LRP8: variants seen among roughly 807,000 people sequenced by gnomAD.
LRP8 encodes low-density lipoprotein receptor-related protein 8.
Under a neutral mutation model 111.6 loss-of-function variants are expected in LRP8, and 46 were observed. That is an observed-to-expected ratio of 0.41 (90% CI 0.33 to 0.53). The LOEUF (loss-of-function observed/expected upper bound fraction) is 0.53, where lower values mean the gene tolerates loss of function less well. Among genes scored for constraint, LRP8 ranks in the 20% least tolerant of loss-of-function variants. LRP8 has a pLI of 0.20. For missense variants in LRP8, 959 were observed against 1,297.4 expected (o/e 0.74, Z 4.01); for synonymous variants, 464 against 511.2 (o/e 0.91, Z 1.24).
intron 16 of LRP8, among the ~76,000 whole-genome samples, chr1:53,253,445 C>T (rs1460804307): frequency 2.0e-5 from 3 of 151,842 alleles, no homozygotes; most frequent in African/African-American, 2.4e-5. Context: ...TGTGAGTGGG[C>T]GATTCATAAC....
intron 2 of LRP8, among the ~76,000 whole-genome samples, chr1:53,308,634 C>T (rs940315100): frequency 1.1e-4 from 16 of 152,162 alleles, no homozygotes; most frequent in African/African-American, 3.1e-4. Context: ...CCATCCTCAC[C>T]GCCCGGACCT....
At chr1:53,270,257 T>C (rs1646719184) in intron 8 of LRP8, among the ~76,000 whole-genome samples, 1 of 152,052 alleles carries the variant, frequency 6.6e-6, no homozygotes, top group Admixed American at 6.5e-5. Flanking sequence ...TCATGCTAGA[T>C]ATGAGCAGAG....
rs11811978 is a variant in LRP8, at chr1:53,273,695, G to C, written c.1006+1936C>G. Among the ~76,000 whole-genome samples, 150 of 151,948 alleles carry C rather than the reference G, an allele frequency of 9.9e-4. 3 individuals are homozygous for C. The highest frequency in any genetic ancestry group is 3.3e-3 in the African/African-American group (137 of 41,474). ...TCTCTTGGCAGGGCCTGGAGGCAGA[G>C]GGAGTGTCTATCTCCTGCCAGCTCA... is the stretch of plus-strand genomic sequence containing the variant. On this transcript the variant is annotated intron_variant, in intron 6 of 18. Transcript: ENST00000306052.
chr1:53,312,267 C>T (rs1653141446), intron 2 of LRP8, among the ~76,000 whole-genome samples: 1 of 152,230 alleles, frequency 6.6e-6, no homozygotes, highest in East Asian at 1.9e-4. Context: ...CACACAGCTC[C>T]CTACTCAGAA....
At position 53,246,157 on chromosome 1, in the gene LRP8, C is replaced by T. The variant is rs1645721728; in HGVS notation, c.*861G>A. The T allele has an allele frequency of 6.6e-6, 1 of 152,174 alleles. No individual in the cohort carries two copies. The highest frequency in any genetic ancestry group is 1.5e-5 in the Non-Finnish European group (1 of 68,042). The allele number at this position is 152,174 out of a possible 1,614,324, so 9.4% of individuals were successfully genotyped here. On this transcript the variant is annotated 3_prime_UTR_variant, in exon 19 of 19. Transcript: ENST00000306052. ...AGGAGTCACAGCAGCCATGGGTGAG[C>T]TGAAAGGCTTTTCCTGACTTCCTGG...
At position 53,244,214 on chromosome 1, in the gene LRP8, G is replaced by A. The variant is rs149193658; in HGVS notation, c.*2804C>T. ...TCCACTGGAGGAAAGGTAGACCATA[G>A]TATAGGTAGCAGGTTTGATACAATG... On this transcript the variant is annotated 3_prime_UTR_variant, in exon 19 of 19. Transcript: ENST00000306052. 6.6e-6 allele frequency: 1 copy of A among 152,360 alleles called. No individual in the cohort carries two copies. The highest frequency in any genetic ancestry group is 1.9e-4 in the East Asian group (1 of 5,184). The allele number at this position is 152,360 out of a possible 1,614,324, so 9.4% of individuals were successfully genotyped here.
At chr1:53,297,620 G>A (rs986073494) in intron 2 of LRP8, among the ~76,000 whole-genome samples, 1 of 152,174 alleles carries the variant, frequency 6.6e-6, no homozygotes, top group Non-Finnish European at 1.5e-5. Flanking sequence ...ACACACGAAG[G>A]GCTCCAGCCA....
Position 53,276,849 on chromosome 1 carries a change from G to A in LRP8, c.726C>T (p.Ala242=). The A allele has an allele frequency of 7.6e-7, 1 of 1,321,468 alleles. No homozygotes were observed. Among genetic ancestry groups the A allele is most frequent in the Non-Finnish European group, 9.7e-7 (1 of 1,035,606 alleles). 81.9% of individuals were successfully genotyped at this position (1,321,468 alleles called of 1,614,324 possible). A position where few individuals can be genotyped will look rare whatever the true frequency, so the allele number is the denominator to read the frequency against. ...CGGGGCCCGGACGGCCGCAGAGCTCGGCTGCCTCGTCCGAGCGGTCCTCGC... is the reference window on the plus strand; with the variant it reads ...CGGGGCCCGGACGGCCGCAGAGCTCAGCTGCCTCGTCCGAGCGGTCCTCGC... The part of the protein sequence containing the change: ...FDCEDRSDEA[A]ELCGRPGPGA... Residue 242 remains alanine, a synonymous_variant, in exon 5 of 19, where the codon GCC becomes GCT. Coordinates refer to ENST00000306052, the MANE Select transcript of LRP8 (RefSeq NM_004631.5).
intron 4 of LRP8, among the ~76,000 whole-genome samples, chr1:53,277,353 A>C (rs1646959475): frequency 6.6e-6 from 1 of 152,150 alleles, no homozygotes; most frequent in Admixed American, 6.5e-5. Flanking sequence ...GGATTCCGAA[A>C]CCTTAGAGCA....
chr1:53,260,532 G>T lies in LRP8; in HGVS notation c.1988C>A (p.Ser663Tyr). Residue 663 changes from serine (S) to tyrosine (Y), a missense_variant, in exon 13 of 19, where the codon TCC becomes TAC. Transcript: ENST00000306052. The stretch of plus-strand genomic sequence containing the variant: ...GTTGTTGAGGTTCTCAGCCAGGATG[G>T]AGATTTCCAGGCCATTGAGCCGATT... ...SANRLNGLEI[S>Y]ILAENLNNPH... The T allele has an allele frequency of 1.9e-6, 3 of 1,614,138 alleles. No homozygotes were observed. Among genetic ancestry groups the T allele is most frequent in the Non-Finnish European group, 2.5e-6 (3 of 1,180,002 alleles).
chr1:53,243,001 A>C lies in LRP8; in HGVS notation c.*4017T>G, dbSNP rs563640118. ...GAGCTTCCTGATTTTTTTTTAACTG[A>C]AAAATTGAAGCAGTAATTCTTTAAC... is the stretch of plus-strand genomic sequence containing the variant. On this transcript the variant is annotated 3_prime_UTR_variant, in exon 19 of 19. Coordinates refer to ENST00000306052, the MANE Select transcript of LRP8 (RefSeq NM_004631.5). 6.6e-6 allele frequency: 1 copy of C among 152,240 alleles called. No individual in the cohort carries two copies. Among genetic ancestry groups the C allele is most frequent in the African/African-American group, 2.4e-5 (1 of 41,552 alleles). 9.4% of individuals were successfully genotyped at this position (152,240 alleles called of 1,614,324 possible).
At chr1:53,254,771 A>G (rs373589238) in intron 16 of LRP8, among the ~76,000 whole-genome samples, 3 of 152,182 alleles carry the variant, frequency 2.0e-5, no homozygotes, top group African/African-American at 7.2e-5. Flanking sequence ...TTGATATCCT[A>G]CCATGTGCTA....
rs1259539478 is a variant in LRP8, at chr1:53,293,958, G to A, written c.245-4269C>T. ...GATCCTGGTGAACACCCAGTGTCAG[G>A]CCGTTCAGTGCAATGAGCCCAATAG... is the stretch of plus-strand genomic sequence containing the variant. On this transcript the variant is annotated intron_variant, in intron 2 of 18. Coordinates refer to ENST00000306052, the MANE Select transcript of LRP8 (RefSeq NM_004631.5). This position sits in a 1 kb window ranked among gnomAD's most constrained non-coding sequence, Gnocchi z 4.9. 1.3e-5 allele frequency among the ~76,000 whole-genome samples: 2 copies of A among 152,198 alleles called. No homozygotes were observed. The highest frequency in any genetic ancestry group is 4.8e-5 in the African/African-American group (2 of 41,442).
chr1:53,265,484 A>G (rs1572476663), intron 9 of LRP8, among the ~76,000 whole-genome samples: 1 of 151,736 alleles, frequency 6.6e-6, no homozygotes, highest in Non-Finnish European at 1.5e-5. Flanking sequence ...CATTCATGAA[A>G]CCTCCCAAGC....
intron 2 of LRP8, among the ~76,000 whole-genome samples, chr1:53,311,192 C>CA (rs1254044152): frequency 1.3e-5 from 2 of 152,098 alleles, no homozygotes; most frequent in African/African-American, 4.8e-5. Context: ...GGCCCCTGCC[C>CA]ACCCCCAACA....
At position 53,258,309 on chromosome 1, in the gene LRP8, G is replaced by T. The variant is rs748632503; in HGVS notation, c.2209+10C>A. ...TGCCAGGGGCCATCCCTCCTGGAAG[G>T]TCTGCTTACCTCGGTAGCACCTCTT... is the stretch of plus-strand genomic sequence containing the variant. On this transcript the variant is annotated intron_variant, in intron 14 of 18. Coordinates refer to ENST00000306052, the MANE Select transcript of LRP8 (RefSeq NM_004631.5). 6.2e-7 allele frequency: 1 copy of T among 1,612,672 alleles called. No homozygotes were observed. The highest frequency in any genetic ancestry group is 1.1e-5 in the South Asian group (1 of 90,890).
chr1:53,316,436 T>C (rs1393435514), intron 2 of LRP8, among the ~76,000 whole-genome samples: 1 of 152,196 alleles, frequency 6.6e-6, no homozygotes, highest in African/African-American at 2.4e-5. Flanking sequence ...TAAGTAGGTG[T>C]AAAAAGCCTC....
At chr1:53,265,034 G>A (rs1301795035) in intron 9 of LRP8, among the ~76,000 whole-genome samples, 2 of 152,154 alleles carry the variant, frequency 1.3e-5, no homozygotes, top group Non-Finnish European at 2.9e-5. Context: ...GGAGTGGATG[G>A]GTTGGAAGGA....
In LRP8 at chr1:53,264,153, C is replaced by T; in HGVS notation, c.1655+16G>A. ...ACCTATGGTGGGAGAATGGGAAGTTCAGTTGGGACACTCACCCTCGCAGGG... is the reference window on the plus strand; with the variant it reads ...ACCTATGGTGGGAGAATGGGAAGTTTAGTTGGGACACTCACCCTCGCAGGG... On this transcript the variant is annotated intron_variant, in intron 10 of 18. Coordinates refer to ENST00000306052, the MANE Select transcript of LRP8 (RefSeq NM_004631.5). 6.2e-7 allele frequency: 1 copy of T among 1,612,318 alleles called. No homozygotes were observed. Among genetic ancestry groups the T allele is most frequent in the Non-Finnish European group, 8.5e-7 (1 of 1,178,742 alleles).
Sources: gnomAD v4.1 joint callset for allele counts (sites outside exome capture counted in the v4.1 genomes callset) on GRCh38, gnomAD v4.1.1 for gene constraint, Gnocchi (gnomAD v3.1) non-coding constraint, MANE v1.5 for transcripts, NCBI Gene and HGNC (gene_info 2026-07-23, HGNC 2026-07-21) for gene names.